Variants in SPIDR observed in about 807,000 individuals in gnomAD.
SPIDR encodes scaffold protein involved in DNA repair, also known as DNA repair-scaffolding protein.
SPIDR carries 93 observed loss-of-function variants against 104.6 expected under a neutral mutation model. The observed-to-expected ratio is 0.89, with a 90% CI of 0.75 to 1.06. The LOEUF (loss-of-function observed/expected upper bound fraction) is 1.06. SPIDR is among the 50% of genes least tolerant of loss of function. The probability of loss-of-function intolerance (pLI) is 0.00; values close to 1 mark genes in which losing one functional copy is unlikely to be tolerated. For synonymous variants in SPIDR, 431 were observed against 416.9 expected, an observed-to-expected ratio of 1.03 and a Z score of -0.41; for missense variants, 1,154 against 1,111.2, an observed-to-expected ratio of 1.04 and a Z score of -0.55.
At chr8:47,494,561 A>G (rs570488384) in intron 8 of SPIDR, among the ~76,000 whole-genome samples, 15 of 152,184 alleles carry the variant, frequency 9.9e-5, no homozygotes, top group Non-Finnish European at 5.9e-5. Context: ...ATAAATCACA[A>G]TGTAGTCTCT....
At chr8:47,355,271 T>TAAAAAAAAAAAAAAAAAAAAAAAA (rs34902790) in intron 5 of SPIDR, among the ~76,000 whole-genome samples, 1 of 116,554 alleles carries the variant, frequency 8.6e-6, no homozygotes, top group African/African-American at 3.3e-5. Context: ...AGGTTTTTTG[T>TAAAAAAAAAAAAAAAAAAAAAAAA]AAAAAAAAAA....
At chr8:47,299,065 A>G (rs1436627584) in intron 5 of SPIDR, among the ~76,000 whole-genome samples, 1 of 150,326 alleles carries the variant, frequency 6.7e-6, no homozygotes, top group Non-Finnish European at 1.5e-5. Context: ...TTTTCACGAT[A>G]TTGACTCTTC....
chr8:47,644,390 C>T (rs2069849880), intron 10 of SPIDR, among the ~76,000 whole-genome samples: 1 of 152,228 alleles, frequency 6.6e-6, no homozygotes, highest in Non-Finnish European at 1.5e-5. Context: ...TCATGTGGCA[C>T]ATTCTGTGAT....
intron 6 of SPIDR, among the ~76,000 whole-genome samples, chr8:47,398,773 G>A (rs1008896264): frequency 3.9e-5 from 6 of 152,174 alleles, no homozygotes; most frequent in Non-Finnish European, 8.8e-5. Flanking sequence ...GGCGAGAGGA[G>A]AACCTGTCCA....
chr8:47,523,372 G>A (rs1218321823), intron 8 of SPIDR, among the ~76,000 whole-genome samples: 1 of 152,162 alleles, frequency 6.6e-6, no homozygotes, highest in African/African-American at 2.4e-5. Flanking sequence ...CTGTAGCCAA[G>A]TATGGACTAA....
At chr8:47,363,832 G>A (rs1388268783) in intron 5 of SPIDR, among the ~76,000 whole-genome samples, 1 of 149,612 alleles carries the variant, frequency 6.7e-6, no homozygotes, top group Non-Finnish European at 1.5e-5. Flanking sequence ...TGGTTTTTCT[G>A]TTCTGTAGGT....
chr8:47,301,110 G>C (rs2042004712), intron 5 of SPIDR, among the ~76,000 whole-genome samples: 1 of 152,144 alleles, frequency 6.6e-6, no homozygotes, highest in Non-Finnish European at 1.5e-5. Context: ...CTAAGGACTT[G>C]CTTTATGAAT....
chr8:47,456,531 G>A (rs1278789296), intron 8 of SPIDR, among the ~76,000 whole-genome samples: 2 of 152,138 alleles, frequency 1.3e-5, no homozygotes, highest in Admixed American at 6.5e-5. Context: ...GAAGGAAACT[G>A]TAAAATTAAT....
chr8:47,443,591 A>AT (rs1491303245), intron 8 of SPIDR, among the ~76,000 whole-genome samples: 2 of 145,830 alleles, frequency 1.4e-5, no homozygotes, highest in East Asian at 3.9e-4. Context: ...AAAAAAAAAA[A>AT]CACCTCATAC....
intron 6 of SPIDR, among the ~76,000 whole-genome samples, chr8:47,398,729 T>A (rs945977150): frequency 2.6e-5 from 4 of 152,180 alleles, no homozygotes; most frequent in African/African-American, 4.8e-5. Flanking sequence ...TTTTGAAGCA[T>A]GAGCTAGGTC....
intron 9 of SPIDR, among the ~76,000 whole-genome samples, chr8:47,597,465 G>A (rs973409183): frequency 8.5e-5 from 13 of 152,244 alleles, no homozygotes; most frequent in African/African-American, 3.1e-4. Flanking sequence ...CCACAAACAT[G>A]TGAATACATC....
rs377065119 is a variant in SPIDR, at chr8:47,467,533, C to T, written c.1097+26991C>T. The stretch of plus-strand genomic sequence containing the variant: ...CCACCACGATCAAGTTGGCTTTATC[C>T]CTGGGATGCAAGATTGGTTCAACAT... On this transcript the variant is annotated intron_variant, in intron 8 of 19. Transcript: ENST00000297423. Among the ~76,000 whole-genome samples the T allele has an allele frequency of 2.8e-3, 428 of 152,216 alleles. 3 individuals are homozygous for T. The highest frequency in any genetic ancestry group is 0.022 in the South Asian group (108 of 4,824).
chr8:47,431,693 G>T (rs545483738), intron 7 of SPIDR, among the ~76,000 whole-genome samples: 1 of 152,144 alleles, frequency 6.6e-6, no homozygotes, highest in Admixed American at 6.5e-5. Flanking sequence ...TTAAGAGTTG[G>T]GTTTCAGATT....
intron 2 of SPIDR, among the ~76,000 whole-genome samples, chr8:47,280,612 G>A (rs1461936565): frequency 1.3e-5 from 2 of 152,038 alleles, no homozygotes; most frequent in East Asian, 3.9e-4. Flanking sequence ...AGGCTGGTTT[G>A]GAACTCCTGA....
chr8:47,516,164 T>C (rs1446336796), intron 8 of SPIDR, among the ~76,000 whole-genome samples: 3 of 152,200 alleles, frequency 2.0e-5, no homozygotes, highest in Non-Finnish European at 4.4e-5. Flanking sequence ...TGGTCTTGAA[T>C]GTCTGGGCTC....
At chr8:47,480,361 G>A (rs774652204) in intron 8 of SPIDR, among the ~76,000 whole-genome samples, 1 of 152,204 alleles carries the variant, frequency 6.6e-6, no homozygotes. Flanking sequence ...GTCTCTTAAT[G>A]TGTGGGTTAA....
chr8:47,485,318 C>A (rs1554730243), intron 8 of SPIDR, among the ~76,000 whole-genome samples: 1 of 152,226 alleles, frequency 6.6e-6, no homozygotes, highest in Non-Finnish European at 1.5e-5. Context: ...GGGCGCCTGC[C>A]ATTGCTGAGG....
chr8:47,555,100 C>T (rs1469090451), intron 8 of SPIDR, among the ~76,000 whole-genome samples: 1 of 152,082 alleles, frequency 6.6e-6, no homozygotes, highest in Non-Finnish European at 1.5e-5. Context: ...CCTTTCTATT[C>T]TGTCTTCTGT....
At chr8:47,575,028 C>A (rs2058917937) in intron 8 of SPIDR, among the ~76,000 whole-genome samples, 1 of 151,990 alleles carries the variant, frequency 6.6e-6, no homozygotes, top group Non-Finnish European at 1.5e-5. Flanking sequence ...AACCAGAAAA[C>A]AAAACAGAAC....
Sources: allele counts gnomAD v4.1 joint callset (sites outside exome capture counted in the v4.1 genomes callset), GRCh38; gene constraint gnomAD v4.1.1; transcripts MANE v1.5; gene names NCBI Gene and HGNC (gene_info 2026-07-23, HGNC 2026-07-21).